The following CDK19 variants were observed in gnomAD, a reference collection of about 807,000 sequenced individuals.
CDK19 encodes cyclin dependent kinase 19.
In CDK19, 20 loss-of-function variants were observed where a neutral mutation model predicts 68.3. The ratio of observed to expected loss-of-function variants is 0.29; its 90% CI spans 0.21 to 0.43. The LOEUF is 0.43. Among genes scored for constraint, CDK19 ranks in the 20% least tolerant of loss-of-function variants. The pLI is 1.00. For synonymous variants in CDK19, 221 were observed against 222.8 expected, an observed-to-expected ratio of 0.99 and a Z score of 0.07; for missense variants, 339 against 623.5, an observed-to-expected ratio of 0.54 and a Z score of 4.86.
chr6:110,701,299 T>C (rs1450509070), intron 2 of CDK19, among the ~76,000 whole-genome samples: 1 of 151,544 alleles, frequency 6.6e-6, no homozygotes, highest in Non-Finnish European at 1.5e-5. Flanking sequence ...TCCCAGCACT[T>C]TGGGAGGCCA....
chr6:110,623,773 T>TAC (rs1562129762), intron 8 of CDK19, among the ~76,000 whole-genome samples: 19 of 87,180 alleles, frequency 2.2e-4, no homozygotes, highest in Admixed American at 1.9e-3. Flanking sequence ...TACACATATA[T>TAC]ATACATATAT....
intron 2 of CDK19, among the ~76,000 whole-genome samples, chr6:110,714,722 C>CTTTTTTTTTTTTT (rs112875656): frequency 4.3e-5 from 3 of 69,854 alleles, no homozygotes; most frequent in Non-Finnish European, 6.9e-5. Context: ...AATGTCTTTT[C>CTTTTTTTTTTTTT]TTTTTTTTTT....
intron 2 of CDK19, among the ~76,000 whole-genome samples, chr6:110,736,795 G>A (rs577042445): frequency 1.3e-5 from 2 of 152,234 alleles, no homozygotes; most frequent in Admixed American, 1.3e-4. Flanking sequence ...CAGACTCGGA[G>A]CCAAGCCCCT....
intron 1 of CDK19, among the ~76,000 whole-genome samples, chr6:110,760,751 C>T (rs1172963107): frequency 1.3e-5 from 2 of 152,116 alleles, no homozygotes; most frequent in Non-Finnish European, 2.9e-5. Flanking sequence ...CTCTTACAAT[C>T]CCTACAACGT....
At chr6:110,670,877 C>G in intron 2 of CDK19, 1 of 415,486 alleles carries the variant, frequency 2.4e-6, no homozygotes. Flanking sequence ...AATATCATAT[C>G]ATTAAATAAT....
At chr6:110,626,644 C>T in intron 8 of CDK19, 132 bp downstream of exon 8, 1 of 561,530 alleles carries the variant, frequency 1.8e-6, no homozygotes, top group Non-Finnish European at 3.1e-6. Context: ...ACAAACATGC[C>T]AGTGCCTTGA....
chr6:110,618,937 C>G (rs1778531123), intron 12 of CDK19, among the ~76,000 whole-genome samples: 2 of 152,104 alleles, frequency 1.3e-5, no homozygotes, highest in South Asian at 4.1e-4. Flanking sequence ...AGACACTGGC[C>G]CTAGCTAGTC....
intron 1 of CDK19, among the ~76,000 whole-genome samples, chr6:110,763,733 T>C (rs897684333): frequency 6.6e-6 from 1 of 151,864 alleles, no homozygotes; most frequent in Non-Finnish European, 1.5e-5. Flanking sequence ...CCACTCTTAA[T>C]CAACATAGAC....
intron 5 of CDK19, among the ~76,000 whole-genome samples, chr6:110,634,674 T>C (rs1245836457): frequency 1.3e-5 from 2 of 152,242 alleles, no homozygotes; most frequent in African/African-American, 4.8e-5. Flanking sequence ...AACAAAAATA[T>C]TCAAATTCAT....
At chr6:110,644,741 A>C (rs1260151356) in intron 4 of CDK19, among the ~76,000 whole-genome samples, 1 of 152,162 alleles carries the variant, frequency 6.6e-6, no homozygotes. Context: ...GAACCAGCGA[A>C]ACCCAAGTCC....
At chr6:110,761,562 G>A (rs1327439677) in intron 1 of CDK19, among the ~76,000 whole-genome samples, 3 of 152,170 alleles carry the variant, frequency 2.0e-5, no homozygotes, top group African/African-American at 7.2e-5. Flanking sequence ...GAAGACTGTG[G>A]TATTGTGCAA....
intron 2 of CDK19, among the ~76,000 whole-genome samples, chr6:110,734,158 C>T (rs185508741): frequency 5.3e-5 from 8 of 151,956 alleles, no homozygotes; most frequent in Non-Finnish European, 7.4e-5. Context: ...TACAGGCACC[C>T]GCTACCACGT....
At chr6:110,797,794 G>A (rs1049160882) in intron 1 of CDK19, among the ~76,000 whole-genome samples, 1 of 152,088 alleles carries the variant, frequency 6.6e-6, no homozygotes, top group Non-Finnish European at 1.5e-5. Flanking sequence ...AGACCAGGCT[G>A]GCCAACATGG....
At chr6:110,694,214 A>G (rs1773287746) in intron 2 of CDK19, among the ~76,000 whole-genome samples, 1 of 152,178 alleles carries the variant, frequency 6.6e-6, no homozygotes, top group South Asian at 2.1e-4. Context: ...ATGCATAAAA[A>G]CCCACCAACC....
chr6:110,635,600 C>T (rs1779719443), intron 5 of CDK19, among the ~76,000 whole-genome samples: 2 of 152,156 alleles, frequency 1.3e-5, no homozygotes, highest in African/African-American at 4.8e-5. Flanking sequence ...AGTGCAGTGG[C>T]ATGATCTCGG....
chr6:110,688,362 G>A (rs1423098540), intron 2 of CDK19, among the ~76,000 whole-genome samples: 2 of 151,718 alleles, frequency 1.3e-5, no homozygotes, highest in Non-Finnish European at 2.9e-5. Flanking sequence ...TAAAATGCAG[G>A]GAAGTTTTTT....
intron 1 of CDK19, among the ~76,000 whole-genome samples, chr6:110,781,367 G>A (rs912945641): frequency 6.6e-5 from 10 of 152,108 alleles, no homozygotes; most frequent in Admixed American, 6.6e-4. Context: ...TCATTACCTA[G>A]GACAGCACCA....
At chr6:110,767,265 A>C (rs1323808308) in intron 1 of CDK19, among the ~76,000 whole-genome samples, 4 of 152,008 alleles carry the variant, frequency 2.6e-5, no homozygotes, top group Admixed American at 1.3e-4. Flanking sequence ...TAACAGGTAC[A>C]AAATCACAGA....
At chr6:110,742,329 T>G (rs540233054) in intron 2 of CDK19, among the ~76,000 whole-genome samples, 18 of 152,212 alleles carry the variant, frequency 1.2e-4, no homozygotes, top group Non-Finnish European at 2.4e-4. Flanking sequence ...TACTTTAATC[T>G]CTTAATCCCG....
Sources: allele counts gnomAD v4.1 joint callset (sites outside exome capture counted in the v4.1 genomes callset), GRCh38; gene constraint gnomAD v4.1.1; transcripts MANE v1.5; gene names NCBI Gene and HGNC (gene_info 2026-07-23, HGNC 2026-07-21).